Variants in EPHA4 observed in about 807,000 individuals in gnomAD.
EPHA4 encodes the protein EPH receptor A4, also known as ephrin type-A receptor 4.
A neutral mutation model predicts 108.3 loss-of-function variants in EPHA4; 19 were observed. That is an observed-to-expected ratio of 0.18 (90% CI 0.12 to 0.26). The LOEUF (loss-of-function observed/expected upper bound fraction) is 0.26. EPHA4 is among the 10% of genes least tolerant of loss of function. The pLI, the probability that EPHA4 is intolerant of heterozygous loss-of-function variation, is 1.00. For synonymous variants in EPHA4, 449 were observed against 455.5 expected, an observed-to-expected ratio of 0.99 and a Z score of 0.18; for missense variants, 917 against 1,254.0, an observed-to-expected ratio of 0.73 and a Z score of 4.06.
rs1180266608 is a variant in EPHA4 at position 221,571,194 on chromosome 2, GCA to G, written c.91+962_91+963del. ...CAGACATGCACACACACGCAGACATGCACACACACCACACATGCAGACATGCA... is the reference window on the plus strand; with the variant it reads ...CAGACATGCACACACACGCAGACATGCACACACCACACATGCAGACATGCA... On this transcript the variant is annotated intron_variant, in intron 1 of 17. Transcript: ENST00000281821. This position sits in a 1 kb window ranked among gnomAD's most constrained non-coding sequence, Gnocchi z 6.3. Among the ~76,000 whole-genome samples, 4 of 150,522 alleles carry G rather than the reference GCA, an allele frequency of 2.7e-5. No homozygotes were observed. Among genetic ancestry groups the G allele is most frequent in the Non-Finnish European group, 5.9e-5 (4 of 67,462 alleles).
intron 3 of EPHA4, among the ~76,000 whole-genome samples, chr2:221,513,982 G>C (rs894730691): frequency 6.6e-6 from 1 of 152,066 alleles, no homozygotes; most frequent in Admixed American, 6.6e-5. Flanking sequence ...AAAGATGAGA[G>C]CCCCAAAAGC....
chr2:221,545,807 C>T (rs954228703), intron 3 of EPHA4, among the ~76,000 whole-genome samples: 12 of 152,144 alleles, frequency 7.9e-5, no homozygotes, highest in Admixed American at 2.0e-4. Flanking sequence ...CAATGTGTCC[C>T]TCTTCTGTTG....
intron 3 of EPHA4, among the ~76,000 whole-genome samples, chr2:221,512,686 A>G (rs900459928): frequency 2.0e-5 from 3 of 152,230 alleles, no homozygotes; most frequent in Middle Eastern, 3.2e-3. Context: ...ACACGGGTCT[A>G]TGCAGATTAG....
At chr2:221,465,001 A>C (rs1416720559) in intron 5 of EPHA4, among the ~76,000 whole-genome samples, 2 of 152,220 alleles carry the variant, frequency 1.3e-5, no homozygotes, top group Admixed American at 1.3e-4. Context: ...TAGATATGTA[A>C]GTATTCATAT....
intron 6 of EPHA4, among the ~76,000 whole-genome samples, chr2:221,457,380 C>T (rs141429771): frequency 7.0e-4 from 107 of 152,230 alleles, no homozygotes; most frequent in African/African-American, 2.4e-3. Flanking sequence ...TTTTCCTTCC[C>T]TGACTTTCTA....
chr2:221,553,324 C>T (rs973578632), intron 3 of EPHA4, among the ~76,000 whole-genome samples: 6 of 152,184 alleles, frequency 3.9e-5, no homozygotes, highest in African/African-American at 1.4e-4. Flanking sequence ...CAGCTGCGAT[C>T]CTAATGAAGA....
At chr2:221,564,444 T>C (rs1307052906) in intron 2 of EPHA4, 50 bp from the exon 3 acceptor site, 21 of 1,545,142 alleles carry the variant, frequency 1.4e-5, no homozygotes, top group Non-Finnish European at 1.6e-5. Context: ...CATCATGCAG[T>C]GATTTGTCAA....
At chr2:221,507,746 A>T (rs1322687696) in intron 3 of EPHA4, among the ~76,000 whole-genome samples, 1 of 152,206 alleles carries the variant, frequency 6.6e-6, no homozygotes, top group Non-Finnish European at 1.5e-5. Flanking sequence ...GCTTTGAAAG[A>T]TGTAACAGGT....
chr2:221,438,531 C>T (rs1426485909), intron 11 of EPHA4, among the ~76,000 whole-genome samples: 1 of 151,982 alleles, frequency 6.6e-6, no homozygotes, highest in Non-Finnish European at 1.5e-5. Context: ...CTCACACCTG[C>T]AATTCCAGCA....
Position 221,530,864 on chromosome 2 carries a change from T to C in EPHA4, c.824-29692A>G, listed in dbSNP as rs536773568. Among the ~76,000 whole-genome samples the C allele has an allele frequency of 3.9e-5, 6 of 152,250 alleles. No individual in the cohort carries two copies. The South Asian group carries it at 1.2e-3, about 32-fold the overall frequency. ...CAGATCGTACTCCTCCACTGTGCTGTGGGCAAATGGGATTCTTGAAGCACC... is the reference window on the plus strand; with the variant it reads ...CAGATCGTACTCCTCCACTGTGCTGCGGGCAAATGGGATTCTTGAAGCACC... On this transcript the variant is annotated intron_variant, in intron 3 of 17. Coordinates refer to ENST00000281821, the MANE Select transcript of EPHA4 (RefSeq NM_004438.5).
intron 8 of EPHA4, among the ~76,000 whole-genome samples, chr2:221,455,269 T>C (rs1213779717): frequency 6.6e-6 from 1 of 152,178 alleles, no homozygotes; most frequent in Non-Finnish European, 1.5e-5. Context: ...ACGTAACACC[T>C]GGCAGCTTAA....
In EPHA4 at chr2:221,499,739, TATATATATATATATATA is replaced by T. The variant is rs1559267637; in HGVS notation, c.979+1261_979+1277del. Among the ~76,000 whole-genome samples, 8 of 54,858 alleles carry T rather than the reference TATATATATATATATATA, an allele frequency of 1.5e-4. No individual in the cohort carries two copies. The East Asian group carries it at 1.6e-3, about 11-fold the overall frequency. 36.0% of individuals were successfully genotyped at this position (54,858 alleles called of 152,430 possible). On this transcript the variant is annotated intron_variant, in intron 4 of 17. Coordinates refer to ENST00000281821, the MANE Select transcript of EPHA4 (RefSeq NM_004438.5). ...TAATATATATATATATATATATATA[TATATATATATATATATA>T]TTTTTTTTTTTTTTTTTTGAGACAG...
At chr2:221,474,425 A>AC (rs898348273) in intron 5 of EPHA4, among the ~76,000 whole-genome samples, 16 of 149,690 alleles carry the variant, frequency 1.1e-4, no homozygotes, top group African/African-American at 3.8e-4. Flanking sequence ...TGTTTCTTAA[A>AC]AAAAAAAAAA....
chr2:221,570,789 TGGATGGATGGAG>T (rs1029682314), intron 1 of EPHA4, among the ~76,000 whole-genome samples: 5 of 146,796 alleles, frequency 3.4e-5, no homozygotes, highest in East Asian at 2.0e-4. Flanking sequence ...GATGAATGGG[TGGATGGATGGAG>T]GGATGGATGG....
intron 1 of EPHA4, among the ~76,000 whole-genome samples, chr2:221,569,665 T>C (rs1694769403): frequency 2.0e-5 from 3 of 151,874 alleles, no homozygotes; most frequent in South Asian, 4.2e-4. Flanking sequence ...CACCGAGATC[T>C]GCAGTCCTGG....
At chr2:221,563,063 C>T (rs1694515372) in intron 3 of EPHA4, among the ~76,000 whole-genome samples, 1 of 152,180 alleles carries the variant, frequency 6.6e-6, no homozygotes, top group South Asian at 2.1e-4. Flanking sequence ...AATAAGAAGA[C>T]TCTTGCTTGC....
chr2:221,483,026 T>TA (rs1559260607), intron 4 of EPHA4, among the ~76,000 whole-genome samples: 1 of 152,156 alleles, frequency 6.6e-6, no homozygotes, highest in Non-Finnish European at 1.5e-5. Flanking sequence ...TCTTATCATC[T>TA]AAAAAAATGA....
chr2:221,534,514 T>C (rs1255876011), intron 3 of EPHA4, among the ~76,000 whole-genome samples: 1 of 152,186 alleles, frequency 6.6e-6, no homozygotes, highest in East Asian at 1.9e-4. Context: ...AATGCCTAAA[T>C]TGGCCTTCTT....
At chr2:221,562,594 G>A (rs1238872949) in intron 3 of EPHA4, among the ~76,000 whole-genome samples, 2 of 152,138 alleles carry the variant, frequency 1.3e-5, no homozygotes, top group African/African-American at 4.8e-5. Context: ...CAATTACCCA[G>A]AGAAAAGATT....
Sources: allele counts gnomAD v4.1 joint callset (sites outside exome capture counted in the v4.1 genomes callset), GRCh38; gene constraint gnomAD v4.1.1; non-coding constraint Gnocchi (gnomAD v3.1); transcripts MANE v1.5; gene names NCBI Gene and HGNC (gene_info 2026-07-23, HGNC 2026-07-21).